KHDRBS3: variants seen among roughly 807,000 people sequenced by gnomAD.
The protein encoded by KHDRBS3 is KH domain-containing, RNA-binding, signal transduction-associated protein 3.
A neutral mutation model predicts 45.6 loss-of-function variants in KHDRBS3; 23 were observed. The ratio of observed to expected loss-of-function variants is 0.50; its 90% CI spans 0.36 to 0.72. The LOEUF (loss-of-function observed/expected upper bound fraction) is 0.72. Among genes scored for constraint, KHDRBS3 ranks in the 30% least tolerant of loss-of-function variants. KHDRBS3 has a pLI of 0.00. For synonymous variants in KHDRBS3, 162 were observed against 156.5 expected (o/e 1.04, Z -0.26); for missense variants, 352 against 424.8 (o/e 0.83, Z 1.51).
chr8:135,539,822 A>G (rs1267856353), intron 2 of KHDRBS3: 1 of 152,222 alleles, frequency 6.6e-6, no homozygotes, highest in African/African-American at 2.4e-5. Flanking sequence ...GTATTCATTT[A>G]TGTACTTTTT....
intron 7 of KHDRBS3, among the ~76,000 whole-genome samples, chr8:135,630,713 G>A (rs1440688557): frequency 2.6e-5 from 4 of 152,080 alleles, no homozygotes; most frequent in Non-Finnish European, 5.9e-5. Flanking sequence ...CAATGGTAAC[G>A]GTGGTCAGTA....
At chr8:135,507,733 T>C (rs1824079743) in intron 1 of KHDRBS3, among the ~76,000 whole-genome samples, 1 of 152,182 alleles carries the variant, frequency 6.6e-6, no homozygotes, top group Admixed American at 6.5e-5. Flanking sequence ...TGCATAACAC[T>C]CCCTGTCTTT....
At chr8:135,583,034 C>T (rs375200500) in intron 6 of KHDRBS3, among the ~76,000 whole-genome samples, 1 of 152,210 alleles carries the variant, frequency 6.6e-6, no homozygotes, top group African/African-American at 2.4e-5. Context: ...ACTGCCTCCT[C>T]AGCCTAGAAT....
At chr8:135,553,359 A>G (rs1469941207) in intron 4 of KHDRBS3, among the ~76,000 whole-genome samples, 4 of 151,840 alleles carry the variant, frequency 2.6e-5, no homozygotes, top group Admixed American at 2.6e-4. Flanking sequence ...TTTATGGGGG[A>G]GGCTTTGCTG....
Position 135,469,529 on chromosome 8 carries a change from T to G in KHDRBS3, c.88+11575T>G, listed in dbSNP as rs754074914. ...GTGTTTTTTTTTTGTTTTGGTTTTT[T>G]TTTTTTTTTTTTTTTTTTGAGACGA... On this transcript the variant is annotated intron_variant, in intron 1 of 8. Transcript: ENST00000355849. 9.8e-3 allele frequency among the ~76,000 whole-genome samples: 239 copies of G among 24,284 alleles called. 3 individuals carry two copies. Among genetic ancestry groups the G allele is most frequent in the Middle Eastern group, 0.018 (1 of 56 alleles). The allele number at this position is 24,284 out of a possible 152,430, so 15.9% of individuals were successfully genotyped here.
intron 6 of KHDRBS3, among the ~76,000 whole-genome samples, chr8:135,587,573 G>A (rs1436400463): frequency 6.6e-6 from 1 of 152,002 alleles, no homozygotes; most frequent in African/African-American, 2.4e-5. Flanking sequence ...ATCTCTTTTT[G>A]GAGAACAAGA....
chr8:135,496,434 T>C (rs1045984826), intron 1 of KHDRBS3, among the ~76,000 whole-genome samples: 5 of 152,114 alleles, frequency 3.3e-5, no homozygotes, highest in African/African-American at 9.7e-5. Context: ...GTTTTCGCCA[T>C]GTTGGCCAGG....
chr8:135,647,350 C>T lies in KHDRBS3; in HGVS notation c.*266C>T, dbSNP rs991962085. On this transcript the variant is annotated 3_prime_UTR_variant, in exon 9 of 9. Transcript: ENST00000355849. ...ATAACTTTGATTAACTAGTGTTAAA[C>T]AAAAAATAGGTTTACTAAATATGTT... 1.9e-5 allele frequency: 5 copies of T among 262,026 alleles called. No homozygotes were observed. The highest frequency in any genetic ancestry group is 3.6e-5 in the Non-Finnish European group (5 of 140,204). 16.2% of individuals were successfully genotyped at this position (262,026 alleles called of 1,614,324 possible).
At chr8:135,620,811 T>A (rs1830107482) in intron 7 of KHDRBS3, among the ~76,000 whole-genome samples, 1 of 152,152 alleles carries the variant, frequency 6.6e-6, no homozygotes, top group Non-Finnish European at 1.5e-5. Context: ...GCTTCTGTGT[T>A]TCCGCAATGC....
chr8:135,542,325 A>G (rs993923762), intron 2 of KHDRBS3: 1 of 242,848 alleles, frequency 4.1e-6, no homozygotes, highest in South Asian at 5.9e-5. Flanking sequence ...TTCTCATCCT[A>G]GAAGTGTTCA....
At chr8:135,558,210 C>T (rs1217519640) in intron 5 of KHDRBS3, among the ~76,000 whole-genome samples, 1 of 152,088 alleles carries the variant, frequency 6.6e-6, no homozygotes, top group African/African-American at 2.4e-5. Flanking sequence ...TCTGTAAATT[C>T]CTGAGCTGGT....
chr8:135,631,708 C>T (rs1173909857), intron 7 of KHDRBS3, among the ~76,000 whole-genome samples: 16 of 152,110 alleles, frequency 1.1e-4, no homozygotes, highest in Non-Finnish European at 1.9e-4. Context: ...CGGGCAGGTC[C>T]TTTAGGAGGT....
At chr8:135,596,535 C>T (rs80057088) in intron 6 of KHDRBS3, among the ~76,000 whole-genome samples, 1 of 152,024 alleles carries the variant, frequency 6.6e-6, no homozygotes, top group East Asian at 1.9e-4. Flanking sequence ...AATATAGCAA[C>T]ATAGTCCTGA....
chr8:135,534,410 G>C (rs1479900856), intron 2 of KHDRBS3, among the ~76,000 whole-genome samples: 2 of 152,048 alleles, frequency 1.3e-5, no homozygotes, highest in Non-Finnish European at 2.9e-5. Context: ...GTTGGTATTT[G>C]TCATTCACTT....
intron 5 of KHDRBS3, among the ~76,000 whole-genome samples, chr8:135,576,395 A>G (rs1018760886): frequency 1.3e-5 from 2 of 152,102 alleles, no homozygotes; most frequent in African/African-American, 2.4e-5. Flanking sequence ...CTATTTATCT[A>G]TTGATTGATT....
At chr8:135,485,735 A>T (rs1289794260) in intron 1 of KHDRBS3, among the ~76,000 whole-genome samples, 1 of 151,432 alleles carries the variant, frequency 6.6e-6, no homozygotes, top group Non-Finnish European at 1.5e-5. Context: ...TGATGATGGC[A>T]TTTGCAAAGT....
chr8:135,494,728 G>A (rs1301253993), intron 1 of KHDRBS3, among the ~76,000 whole-genome samples: 1 of 152,202 alleles, frequency 6.6e-6, no homozygotes, highest in Non-Finnish European at 1.5e-5. Context: ...TGTTGGTGCT[G>A]TATGTGTGTG....
At chr8:135,581,128 G>C (rs2130922244) in intron 5 of KHDRBS3, among the ~76,000 whole-genome samples, 1 of 152,320 alleles carries the variant, frequency 6.6e-6, no homozygotes, top group Admixed American at 6.5e-5. Flanking sequence ...GCCAGCTGCA[G>C]TTCTTCCTGG....
chr8:135,511,917 G>A (rs1824309147), intron 1 of KHDRBS3, among the ~76,000 whole-genome samples: 1 of 152,134 alleles, frequency 6.6e-6, no homozygotes, highest in Admixed American at 6.5e-5. Context: ...AGTATCGAGT[G>A]TTTCTTTCTC....
Sources: allele counts gnomAD v4.1 joint callset (sites outside exome capture counted in the v4.1 genomes callset), GRCh38; gene constraint gnomAD v4.1.1; transcripts MANE v1.5; gene names NCBI Gene and HGNC (gene_info 2026-07-23, HGNC 2026-07-21).